The following PHF14 variants were observed in gnomAD, a reference collection of about 807,000 sequenced individuals.
PHF14 encodes the protein PHD finger protein 14.
In PHF14, 55 loss-of-function variants were observed where a neutral mutation model predicts 117.9. The observed-to-expected ratio is 0.47, with a 90% CI of 0.38 to 0.58. The LOEUF (loss-of-function observed/expected upper bound fraction) is 0.58. Among genes scored for constraint, PHF14 ranks in the 20% least tolerant of loss-of-function variants. The pLI is 0.00. For missense variants in PHF14, 978 were observed against 1,122.2 expected, an observed-to-expected ratio of 0.87 and a Z score of 1.84; for synonymous variants, 409 against 368.6, an observed-to-expected ratio of 1.11 and a Z score of -1.26.
chr7:11,055,440 C>G (rs565128214), intron 14 of PHF14, among the ~76,000 whole-genome samples: 1 of 152,262 alleles, frequency 6.6e-6, no homozygotes, highest in East Asian at 1.9e-4. Context: ...ATCATCTACT[C>G]TCTTTGAAGT....
chr7:11,001,875 T>TTA (rs1338415612), intron 4 of PHF14, among the ~76,000 whole-genome samples: 1 of 152,226 alleles, frequency 6.6e-6, no homozygotes, highest in East Asian at 1.9e-4. Context: ...CTTGTCTTAT[T>TTA]ACCTGATGTT....
intron 11 of PHF14, among the ~76,000 whole-genome samples, chr7:11,040,408 C>T (rs1339396020): frequency 1.3e-5 from 2 of 151,812 alleles, no homozygotes; most frequent in Non-Finnish European, 2.9e-5. Context: ...GTGTCTTTGT[C>T]TTTGAAAGCT....
intron 16 of PHF14, among the ~76,000 whole-genome samples, chr7:11,097,821 C>T (rs1376097599): frequency 1.3e-5 from 2 of 152,168 alleles, no homozygotes; most frequent in African/African-American, 4.8e-5. Flanking sequence ...TTGTTTGTCC[C>T]TTCCTCTATT....
intron 4 of PHF14, among the ~76,000 whole-genome samples, chr7:11,012,103 G>C (rs533035734): frequency 6.6e-6 from 1 of 152,266 alleles, no homozygotes; most frequent in African/African-American, 2.4e-5. Flanking sequence ...TGCTGACTGA[G>C]TTCACAGACA....
In PHF14 at chr7:11,028,755, A is replaced by G. The variant is rs756494181; in HGVS notation, c.1392A>G (p.Arg464=). The change falls in exon 7 of 18, where the codon AGA becomes AGG. Residue 464 remains arginine (R), a synonymous_variant. Coordinates refer to ENST00000634607, the MANE Select transcript of PHF14 (RefSeq NM_001007157.2). ...TTAGCTGTGATGCAGGGATGTGCAG[A>G]GCCTATTTCCATGTGACCTGTGCTC... ...VCISCDAGMC[R]AYFHVTCAQK... 15 of 1,613,838 alleles carry G rather than the reference A, an allele frequency of 9.3e-6. No individual in the cohort carries two copies. The East Asian group carries it at 3.3e-4, about 36-fold the overall frequency.
At chr7:11,018,238 TG>T (rs1165885519) in intron 5 of PHF14, among the ~76,000 whole-genome samples, 2 of 152,166 alleles carry the variant, frequency 1.3e-5, no homozygotes, top group African/African-American at 4.8e-5. Context: ...CTGGGTCTTT[TG>T]TGGTTCCGTA....
At chr7:11,145,446 GA>G (rs1562485172) in intron 17 of PHF14, among the ~76,000 whole-genome samples, 2 of 152,046 alleles carry the variant, frequency 1.3e-5, no homozygotes, top group Non-Finnish European at 2.9e-5. Context: ...TATATAGACT[GA>G]AAATGAGCAA....
intron 6 of PHF14, among the ~76,000 whole-genome samples, chr7:11,026,303 A>T (rs1166666041): frequency 1.3e-5 from 2 of 152,200 alleles, no homozygotes; most frequent in Non-Finnish European, 2.9e-5. Flanking sequence ...TAATGTACTT[A>T]ACATTTTAAA....
chr7:11,118,795 G>A (rs1196334933), intron 17 of PHF14, among the ~76,000 whole-genome samples: 2 of 151,500 alleles, frequency 1.3e-5, no homozygotes. Context: ...AGTTTTCATG[G>A]GAATCAGATA....
chr7:11,015,140 A>G (rs1367614472), intron 5 of PHF14: 1 of 152,152 alleles, frequency 6.6e-6, no homozygotes, highest in Non-Finnish European at 1.5e-5. Flanking sequence ...CCCATATTTT[A>G]ACATAAAAAC....
At chr7:11,164,340 G>A (rs975334967) in intron 17 of PHF14, among the ~76,000 whole-genome samples, 5 of 152,130 alleles carry the variant, frequency 3.3e-5, no homozygotes, top group African/African-American at 7.2e-5. Flanking sequence ...TTCTGATTAC[G>A]AAGGAAATCT....
intron 16 of PHF14, chr7:11,109,994 C>G (rs1422821421): frequency 6.6e-6 from 1 of 151,840 alleles, no homozygotes; most frequent in African/African-American, 2.4e-5. Flanking sequence ...TTCTTTATAT[C>G]TGAGTAACTT....
chr7:11,031,685 T>A (rs1784125923), intron 7 of PHF14, among the ~76,000 whole-genome samples: 1 of 151,914 alleles, frequency 6.6e-6, no homozygotes, highest in Non-Finnish European at 1.5e-5. Context: ...ACCCGGGAGT[T>A]TGAGGCTGCA....
chr7:11,078,896 A>C (rs1785971433), intron 16 of PHF14, among the ~76,000 whole-genome samples: 1 of 152,140 alleles, frequency 6.6e-6, no homozygotes. Flanking sequence ...TTTTAAATGG[A>C]CTAAAATATG....
At chr7:11,115,696 C>T (rs1787581824) in intron 17 of PHF14, among the ~76,000 whole-genome samples, 1 of 151,994 alleles carries the variant, frequency 6.6e-6, no homozygotes, top group Non-Finnish European at 1.5e-5. Context: ...CCAGTAAGGT[C>T]ATTTATGGCA....
intron 16 of PHF14, chr7:11,071,245 A>T (rs1340893892): frequency 1.9e-6 from 1 of 518,228 alleles, no homozygotes; most frequent in Non-Finnish European, 3.9e-6. Flanking sequence ...CTGATATTCA[A>T]AGACTATATA....
chr7:11,081,631 C>T (rs567580909), intron 16 of PHF14, among the ~76,000 whole-genome samples: 19 of 150,040 alleles, frequency 1.3e-4, no homozygotes, highest in Non-Finnish European at 1.9e-4. Flanking sequence ...CCGAGGTGGG[C>T]GGATCATGAA....
chr7:11,084,656 C>T (rs1277574860), intron 16 of PHF14, among the ~76,000 whole-genome samples: 2 of 151,978 alleles, frequency 1.3e-5, no homozygotes, highest in African/African-American at 2.4e-5. Flanking sequence ...TAATTTCTAT[C>T]CCAAAGTAAG....
At position 11,025,409 on chromosome 7, in the gene PHF14, G is replaced by C. The variant is rs773068709; in HGVS notation, c.1317+2430G>C. 5.9e-5 allele frequency among the ~76,000 whole-genome samples: 9 copies of C among 152,294 alleles called. No individual in the cohort carries two copies. The South Asian group carries it at 6.2e-4, about 11-fold the overall frequency. On this transcript the variant is annotated intron_variant, in intron 6 of 17. Transcript: ENST00000634607. ...AATTTTGAAGGAAGTTCTACCATGG[G>C]TAAAATGCTGTCAAATAGCATCACG... is the stretch of plus-strand genomic sequence containing the variant.
Sources: gnomAD v4.1 joint callset for allele counts (sites outside exome capture counted in the v4.1 genomes callset) on GRCh38, gnomAD v4.1.1 for gene constraint, MANE v1.5 for transcripts, NCBI Gene and HGNC (gene_info 2026-07-23, HGNC 2026-07-21) for gene names.